Variants in ENDOV observed in about 807,000 individuals in gnomAD.
ENDOV encodes the protein hEndoV.
Under a neutral mutation model 39.4 loss-of-function variants are expected in ENDOV, and 37 were observed. That is an observed-to-expected ratio of 0.94 (90% CI 0.72 to 1.23). The LOEUF is 1.23. Ranked by LOEUF, ENDOV falls within the 50% of genes most tolerant of loss-of-function variation. ENDOV has a pLI of 0.00. For missense variants in ENDOV, 441 were observed against 375.7 expected, an observed-to-expected ratio of 1.17 and a Z score of -1.44; for synonymous variants, 186 against 163.4, an observed-to-expected ratio of 1.14 and a Z score of -1.05.
At chr17:80,415,626 A>C in intron 1 of ENDOV, 24 bp from the exon 2 acceptor site, 1 of 1,608,244 alleles carries the variant, frequency 6.2e-7, no homozygotes, top group Non-Finnish European at 8.5e-7. Flanking sequence ...ACCCCGACCA[A>C]GTTTGACGCT....
intron 4 of ENDOV, among the ~76,000 whole-genome samples, 172 bp from the exon 5 acceptor site, chr17:80,423,348 G>C (rs1328706088): frequency 6.6e-6 from 1 of 152,228 alleles, no homozygotes; most frequent in Non-Finnish European, 1.5e-5. Flanking sequence ...ATCGGGCACA[G>C]GGGGCTTTCG....
intron 7 of ENDOV, among the ~76,000 whole-genome samples, chr17:80,427,000 C>CAG (rs1305958746): frequency 6.6e-6 from 1 of 152,274 alleles, no homozygotes; most frequent in Non-Finnish European, 1.5e-5. Context: ...GGAAAACCCC[C>CAG]AGGCCACCAC....
rs1350767199 is a variant in ENDOV, at chr17:80,419,519, G to A, written c.229-2309G>A. 16 of 692,826 alleles carry A rather than the reference G, an allele frequency of 2.3e-5. No homozygotes were observed. The Admixed American group carries it at 3.0e-4, about 13-fold the overall frequency. 42.9% of individuals were successfully genotyped at this position (692,826 alleles called of 1,614,324 possible). ...GAGCCTGTTGTGTGCTGGACGCTGAGCAATGGCTAGTGTGTTCTGCTCCGC... is the reference window on the plus strand; with the variant it reads ...GAGCCTGTTGTGTGCTGGACGCTGAACAATGGCTAGTGTGTTCTGCTCCGC... On this transcript the variant is annotated intron_variant, in intron 2 of 9. Transcript: ENST00000518137.
intron 9 of ENDOV, among the ~76,000 whole-genome samples, chr17:80,434,772 C>T (rs989681825): frequency 6.6e-6 from 1 of 152,096 alleles, no homozygotes; most frequent in East Asian, 1.9e-4. Flanking sequence ...ATAGTGAGAC[C>T]TCATCTCTAC....
chr17:80,429,975 G>A (rs2083206037), intron 9 of ENDOV, 144 bp downstream of exon 9: 1 of 1,547,438 alleles, frequency 6.5e-7, no homozygotes, highest in African/African-American at 1.4e-5. Flanking sequence ...CCCCGTTCTG[G>A]CCTCAGGACA....
Position 80,415,219 on chromosome 17 carries a change from C to T in ENDOV, c.25C>T (p.Pro9Ser), listed in dbSNP as rs755123132. 6 of 1,613,338 alleles carry T rather than the reference C, an allele frequency of 3.7e-6. No homozygotes were observed. The highest frequency in any genetic ancestry group is 4.2e-6 in the Non-Finnish European group (5 of 1,179,716). The change falls in exon 1 of 10, where the codon CCG (proline) becomes TCG (serine). Residue 9 changes from proline (P) to serine (S), a missense_variant. Transcript: ENST00000518137. The stretch of plus-strand genomic sequence containing the variant: ...CATGGCCCTGGAGGCGGCGGGAGGG[C>T]CGCCGGAGGAAACGCTGTCACTGTG... Reference protein sequence around the residue: MALEAAGGPPEETLSLWKR... With the variant: MALEAAGGSPEETLSLWKR...
chr17:80,415,672 C>T lies in ENDOV; in HGVS notation c.79C>T (p.His27Tyr), dbSNP rs1380626802. The change falls in exon 2 of 10, where the codon CAC becomes TAC. Residue 27 changes from histidine to tyrosine, a missense_variant. Coordinates refer to ENST00000518137, the MANE Select transcript of ENDOV (RefSeq NM_173627.5). ...TAGGGAGCAAGCTCGGCTGAAGGCCCACGTCGTAGACCGGGACACCGAGGC... is the reference window on the plus strand; with the variant it reads ...TAGGGAGCAAGCTCGGCTGAAGGCCTACGTCGTAGACCGGGACACCGAGGC... ...WKREQARLKAHVVDRDTEAWQ... is the reference protein window; with the variant it reads ...WKREQARLKAYVVDRDTEAWQ... 6.2e-7 allele frequency: 1 copy of T among 1,612,646 alleles called. No individual in the cohort carries two copies. The highest frequency in any genetic ancestry group is 8.5e-7 in the Non-Finnish European group (1 of 1,179,408).
At chr17:80,422,084 G>T in intron 3 of ENDOV, 122 bp downstream of exon 3, 1 of 1,561,078 alleles carries the variant, frequency 6.4e-7, no homozygotes, top group Non-Finnish European at 8.7e-7. Context: ...TGGAAGAGAG[G>T]AATGAGGATT....
Position 80,438,001 on chromosome 17 carries a change from G to A in ENDOV, c.*1858G>A, listed in dbSNP as rs1568264663. On this transcript the variant is annotated 3_prime_UTR_variant, in exon 10 of 10. Transcript: ENST00000518137. ...CACTGAGCCGGGCAGTCAAACAGGA[G>A]CTCTCTAAGGCTGCTCCCGGGCTGG... The A allele has an allele frequency of 6.6e-6, 1 of 152,202 alleles. No homozygotes were observed. The highest frequency in any genetic ancestry group is 1.5e-5 in the Non-Finnish European group (1 of 68,032). The allele number at this position is 152,202 out of a possible 1,614,324, so 9.4% of individuals were successfully genotyped here.
Position 80,415,744 on chromosome 17 carries a change from G to A in ENDOV, c.151G>A (p.Val51Ile), listed in dbSNP as rs757712981. Residue 51 changes from valine to isoleucine, a missense_variant, in exon 2 of 10, where the codon GTT (valine) becomes ATT (isoleucine). Physicochemically the swap from Val to Ile is conservative, Grantham distance 29 (BLOSUM62 3). Coordinates refer to ENST00000518137, the MANE Select transcript of ENDOV (RefSeq NM_173627.5). ...CTCGGGTCTGCAGAGGGTCGGGGGC[G>A]TTGACGTGTCCTTCGTGAAAGGGGA... ...AFSGLQRVGG[V>I]DVSFVKGDSV... 1 of 1,607,000 alleles carries A rather than the reference G, an allele frequency of 6.2e-7. No individual in the cohort carries two copies. The highest frequency in any genetic ancestry group is 1.7e-5 in the Admixed American group (1 of 58,940).
intron 9 of ENDOV, 57 bp from the exon 10 acceptor site, chr17:80,436,076 A>G (rs1012851430): frequency 1.1e-5 from 17 of 1,587,990 alleles, no homozygotes; most frequent in Admixed American, 1.7e-5. Context: ...CCTCCTTTCC[A>G]CTCTGAACGC....
chr17:80,427,164 C>T (rs991208117), intron 7 of ENDOV, among the ~76,000 whole-genome samples: 1 of 152,262 alleles, frequency 6.6e-6, no homozygotes, highest in Admixed American at 6.5e-5. Context: ...TTGCTCAGGG[C>T]ACAGGTGTGT....
intron 5 of ENDOV, chr17:80,424,045 C>T (rs972386140): frequency 1.8e-5 from 7 of 382,274 alleles, no homozygotes; most frequent in African/African-American, 1.1e-4. Flanking sequence ...GCCCCCCTCC[C>T]GCCAAGACCT....
At chr17:80,418,896 G>A (rs903922325) in intron 2 of ENDOV, 3 of 152,178 alleles carry the variant, frequency 2.0e-5, no homozygotes, top group Admixed American at 6.5e-5. Flanking sequence ...AACAGGCCGG[G>A]CGCAGTGGTT....
intron 4 of ENDOV, among the ~76,000 whole-genome samples, 181 bp downstream of exon 4, chr17:80,422,426 C>T (rs557740754): frequency 5.3e-5 from 8 of 151,442 alleles, no homozygotes; most frequent in Admixed American, 1.3e-4. Context: ...CCCCCACCGC[C>T]GGTAAAGGAC....
intron 7 of ENDOV, 113 bp downstream of exon 7, chr17:80,425,733 G>C: frequency 6.8e-7 from 1 of 1,466,106 alleles, no homozygotes; most frequent in Non-Finnish European, 9.1e-7. Context: ...ACATGAGGAC[G>C]GGGGTTCCTG....
In ENDOV at chr17:80,437,197, G is replaced by A. The variant is rs887182298; in HGVS notation, c.*1054G>A. 2 of 152,678 alleles carry A rather than the reference G, an allele frequency of 1.3e-5. No homozygotes were observed. Among genetic ancestry groups the A allele is most frequent in the African/African-American group, 4.8e-5 (2 of 41,464 alleles). The allele number at this position is 152,678 out of a possible 1,614,324, so 9.5% of individuals were successfully genotyped here. On this transcript the variant is annotated 3_prime_UTR_variant, in exon 10 of 10. Coordinates refer to ENST00000518137, the MANE Select transcript of ENDOV (RefSeq NM_173627.5). ...GAGCAGTGATCTGGCTGGGAAAGGG[G>A]ACCAGGAGTGCAGGGCACCTGCTGA...
At chr17:80,430,213 C>CAGATCCTGAGAGCGCATG in intron 9 of ENDOV, 1 of 1,471,286 alleles carries the variant, frequency 6.8e-7, no homozygotes, top group Admixed American at 2.4e-5. Flanking sequence ...GGGCAAGTGC[C>CAGATCCTGAGAGCGCATG]AGATCCTGAG....
At position 80,437,402 on chromosome 17, in the gene ENDOV, AG is replaced by A. The variant is rs1434247890; in HGVS notation, c.*1261del. On this transcript the variant is annotated 3_prime_UTR_variant, in exon 10 of 10. Transcript: ENST00000518137. Reference sequence around the variant, plus strand: ...GTCTTTGGGGGAGCAGGGTTTCAGGAGGACAGTGGGGGTGGTGTAGAACTCA... The same window carrying A: ...GTCTTTGGGGGAGCAGGGTTTCAGGAGACAGTGGGGGTGGTGTAGAACTCA... 6.5e-6 allele frequency: 1 copy of A among 152,702 alleles called. No homozygotes were observed. The highest frequency in any genetic ancestry group is 2.4e-5 in the African/African-American group (1 of 41,458). 9.5% of individuals were successfully genotyped at this position (152,702 alleles called of 1,614,324 possible). A position where few individuals can be genotyped will look rare whatever the true frequency, so the allele number is the denominator to read the frequency against.
Sources: allele counts gnomAD v4.1 joint callset (sites outside exome capture counted in the v4.1 genomes callset), GRCh38; gene constraint gnomAD v4.1.1; transcripts MANE v1.5; gene names NCBI Gene and HGNC (gene_info 2026-07-23, HGNC 2026-07-21).